Variants in POU6F2 observed in about 807,000 individuals in gnomAD.
POU6F2 encodes the protein POU domain, class 6, transcription factor 2.
A neutral mutation model predicts 71.3 loss-of-function variants in POU6F2; 31 were observed. The ratio of observed to expected loss-of-function variants is 0.43; its 90% CI spans 0.33 to 0.59. The LOEUF (loss-of-function observed/expected upper bound fraction) is 0.59, where lower values mean the gene tolerates loss of function less well. POU6F2 is among the 20% of genes least tolerant of loss of function. The probability of loss-of-function intolerance (pLI) is 0.04; values close to 1 mark genes in which losing one functional copy is unlikely to be tolerated. For synonymous variants in POU6F2, 347 were observed against 355.7 expected, an observed-to-expected ratio of 0.98 and a Z score of 0.27; for missense variants, 783 against 856.8, an observed-to-expected ratio of 0.91 and a Z score of 1.07.
At chr7:39,093,679 C>G (rs1000574219) in intron 2 of POU6F2, among the ~76,000 whole-genome samples, 1 of 152,142 alleles carries the variant, frequency 6.6e-6, no homozygotes, top group East Asian at 1.9e-4. Flanking sequence ...ATAATTATGA[C>G]AGAAGTTTGT....
intron 2 of POU6F2, among the ~76,000 whole-genome samples, chr7:39,176,830 A>G (rs1263143550): frequency 6.6e-6 from 1 of 152,248 alleles, no homozygotes; most frequent in Non-Finnish European, 1.5e-5. Context: ...AGCATGAGAA[A>G]TAAATCACAG....
chr7:39,363,275 G>A (rs1036423340), intron 5 of POU6F2, among the ~76,000 whole-genome samples: 2 of 152,130 alleles, frequency 1.3e-5, no homozygotes, highest in East Asian at 3.9e-4. Flanking sequence ...GAGGAGTCAA[G>A]GATGTCTGCA....
At chr7:39,349,888 G>A (rs1297226482) in intron 5 of POU6F2, among the ~76,000 whole-genome samples, 1 of 152,230 alleles carries the variant, frequency 6.6e-6, no homozygotes, top group Non-Finnish European at 1.5e-5. Flanking sequence ...AGGCATGCAG[G>A]ACAGGTTCAT....
At position 39,043,649 on chromosome 7, in the gene POU6F2, T is replaced by C. The variant is rs566934390; in HGVS notation, c.106-42211T>C. ...TGGATTTTATGACCAGTAAAGAACA[T>C]GTAATGCCCACACAGATTCCTCAGG... On this transcript the variant is annotated intron_variant, in intron 1 of 9. Coordinates refer to ENST00000518318, the MANE Select transcript of POU6F2 (RefSeq NM_001370959.1). Among the ~76,000 whole-genome samples the C allele has an allele frequency of 3.3e-5, 5 of 152,064 alleles. No individual in the cohort carries two copies. In the East Asian group the frequency reaches 9.7e-4, roughly 30 times the overall value.
chr7:39,183,253 C>T (rs1793470185), intron 2 of POU6F2, among the ~76,000 whole-genome samples: 1 of 152,176 alleles, frequency 6.6e-6, no homozygotes, highest in South Asian at 2.1e-4. Context: ...CCCCCACCTG[C>T]TGTATTAGTC....
Position 39,464,349 on chromosome 7 carries a change from G to C in POU6F2, c.1826G>C (p.Arg609Pro). 1 of 1,613,996 alleles carries C rather than the reference G, an allele frequency of 6.2e-7. No homozygotes were observed. The highest frequency in any genetic ancestry group is 8.5e-7 in the Non-Finnish European group (1 of 1,179,892). ...SAQKIKPVLE[R>P]WMAEAEARHR... ...CAGAAGATCAAGCCGGTGCTTGAGC[G>C]GTGGATGGCTGAGGCTGAGGCCCGC... The change falls in exon 10 of 10, where the codon CGG (arginine) becomes CCG (proline). Residue 609 changes from arginine (R) to proline (P), a missense_variant. Transcript: ENST00000518318. This position sits in a 1 kb window ranked among gnomAD's most constrained non-coding sequence, Gnocchi z 4.1.
intron 2 of POU6F2, 44 bp from the exon 3 acceptor site, chr7:39,204,191 A>G (rs1793960684): frequency 6.5e-7 from 1 of 1,538,360 alleles, no homozygotes; most frequent in African/African-American, 1.4e-5. Context: ...TCAGTTCCCA[A>G]GCTGGATCAT....
At chr7:39,131,032 G>A (rs888268048) in intron 2 of POU6F2, among the ~76,000 whole-genome samples, 5 of 152,212 alleles carry the variant, frequency 3.3e-5, no homozygotes, top group Admixed American at 6.5e-5. Context: ...AAGGCTAATT[G>A]AGAAGTGTGT....
At chr7:39,377,293 G>C (rs968447697) in intron 5 of POU6F2, among the ~76,000 whole-genome samples, 5 of 151,892 alleles carry the variant, frequency 3.3e-5, no homozygotes, top group African/African-American at 1.2e-4. Flanking sequence ...ACCACACCTG[G>C]CTAACTTTTG....
chr7:39,337,671 A>G (rs1785809439), intron 4 of POU6F2, among the ~76,000 whole-genome samples: 1 of 152,188 alleles, frequency 6.6e-6, no homozygotes, highest in Non-Finnish European at 1.5e-5. Context: ...GTTAGTGTGT[A>G]GGTGGCTTTG....
chr7:39,314,504 A>G (rs1186487445), intron 4 of POU6F2, among the ~76,000 whole-genome samples: 1 of 152,120 alleles, frequency 6.6e-6, no homozygotes, highest in African/African-American at 2.4e-5. Context: ...TTTTGCTGGG[A>G]GTGGTAAGGA....
chr7:39,231,904 A>C (rs910476749), intron 4 of POU6F2, among the ~76,000 whole-genome samples: 1 of 152,328 alleles, frequency 6.6e-6, no homozygotes, highest in Admixed American at 6.5e-5. Flanking sequence ...GGGGCTTTAA[A>C]TAAGCTGGAA....
Position 39,347,628 on chromosome 7 carries a change from C to CTAT in POU6F2, c.972+7633_972+7635dup, listed in dbSNP as rs5883686. On this transcript the variant is annotated intron_variant, in intron 5 of 9. Transcript: ENST00000518318. Reference sequence around the variant, plus strand: ...AGTTTCCCCATCAATATTATTATTACTATTATTATTATTATTATTATTTGA... The same window carrying CTAT: ...AGTTTCCCCATCAATATTATTATTACTATTATTATTATTATTATTATTATTTGA... 4.7e-3 allele frequency among the ~76,000 whole-genome samples: 657 copies of CTAT among 140,434 alleles called. 7 individuals are homozygous for CTAT. Among genetic ancestry groups the CTAT allele is most frequent in the Admixed American group, 6.9e-3 (91 of 13,180 alleles). 92.1% of individuals were successfully genotyped at this position (140,434 alleles called of 152,430 possible). A position where few individuals can be genotyped will look rare whatever the true frequency, so the allele number is the denominator to read the frequency against.
chr7:39,017,575 C>A (rs962163941), intron 1 of POU6F2, among the ~76,000 whole-genome samples: 1 of 152,092 alleles, frequency 6.6e-6, no homozygotes, highest in African/African-American at 2.4e-5. Context: ...GGAGTCACTC[C>A]GTAGAGCTGC....
In POU6F2 at chr7:39,391,004, A is replaced by G. The variant is rs905000575; in HGVS notation, c.973-15596A>G. On this transcript the variant is annotated intron_variant, in intron 5 of 9. Transcript: ENST00000518318. ...GAGCAAACCCTGGGACTAGGGTCCC[A>G]CAAAACACACCTTGAGGATTGCTGT... 2.6e-5 allele frequency among the ~76,000 whole-genome samples: 4 copies of G among 152,196 alleles called. No individual in the cohort carries two copies. In the East Asian group the frequency reaches 7.7e-4, roughly 29 times the overall value.
intron 1 of POU6F2, among the ~76,000 whole-genome samples, chr7:39,028,843 C>T (rs1451691616): frequency 6.6e-6 from 1 of 152,010 alleles, no homozygotes; most frequent in African/African-American, 2.4e-5. Flanking sequence ...TCTTACTCTG[C>T]CACCCAGGCT....
intron 1 of POU6F2, among the ~76,000 whole-genome samples, chr7:38,999,879 G>A (rs570947521): frequency 5.9e-5 from 9 of 152,302 alleles, no homozygotes; most frequent in Non-Finnish European, 8.8e-5. Flanking sequence ...GTTATGAGAT[G>A]TTCCTAGGCA....
chr7:39,386,115 C>A, intron 5 of POU6F2, among the ~76,000 whole-genome samples: 1 of 123,422 alleles, frequency 8.1e-6, no homozygotes, highest in East Asian at 3.3e-4. Context: ...AAGACTCCGT[C>A]TCAAAAAAAA....
intron 6 of POU6F2, among the ~76,000 whole-genome samples, chr7:39,418,955 G>GTATATATGTGTATA (rs1562544164): frequency 1.2e-4 from 13 of 106,982 alleles, no homozygotes; most frequent in Admixed American, 1.9e-4. Flanking sequence ...ATGTATATAT[G>GTATATATGTGTATA]TATATATATG....
Sources: gnomAD v4.1 joint callset for allele counts (sites outside exome capture counted in the v4.1 genomes callset) on GRCh38, gnomAD v4.1.1 for gene constraint, Gnocchi (gnomAD v3.1) non-coding constraint, MANE v1.5 for transcripts, NCBI Gene and HGNC (gene_info 2026-07-23, HGNC 2026-07-21) for gene names.